The following PLCB4 variants were observed in gnomAD, a reference collection of about 807,000 sequenced individuals.
PLCB4 encodes phospholipase C beta 4.
In PLCB4, 77 loss-of-function variants were observed where a neutral mutation model predicts 178.8. The ratio of observed to expected loss-of-function variants is 0.43; its 90% CI spans 0.36 to 0.52. The LOEUF (loss-of-function observed/expected upper bound fraction) is 0.52, where lower values mean the gene tolerates loss of function less well. Ranked by LOEUF, PLCB4 falls within the 20% of genes least tolerant of loss-of-function variation. The pLI is 0.00. For synonymous variants in PLCB4, 496 were observed against 490.8 expected, an observed-to-expected ratio of 1.01 and a Z score of -0.14; for missense variants, 1,024 against 1,453.4, an observed-to-expected ratio of 0.70 and a Z score of 4.80.
intron 2 of PLCB4, among the ~76,000 whole-genome samples, chr20:9,202,566 C>G (rs1467436899): frequency 6.6e-6 from 1 of 151,972 alleles, no homozygotes; most frequent in Non-Finnish European, 1.5e-5. Flanking sequence ...GCATGATGGA[C>G]TTTGGCTCTG....
rs540101712 is a variant in PLCB4, at chr20:9,165,664, T to C, written c.-78-51726T>C. Among the ~76,000 whole-genome samples, 6 of 152,300 alleles carry C rather than the reference T, an allele frequency of 3.9e-5. 1 individual carries two copies. In the East Asian group the frequency reaches 5.8e-4, roughly 15 times the overall value. ...GAATAGAATTCTACTTACATTAGTG[T>C]GGATTGGCCATCCTAAAACATCCTG... On this transcript the variant is annotated intron_variant, in intron 2 of 39. Transcript: ENST00000378473.
intron 14 of PLCB4, 75 bp downstream of exon 14, chr20:9,384,486 A>G (rs2037408690): frequency 2.0e-6 from 2 of 1,021,596 alleles, no homozygotes; most frequent in South Asian, 1.3e-5. Context: ...TCTGAAAAAC[A>G]GGAAATAGTA....
intron 13 of PLCB4, among the ~76,000 whole-genome samples, chr20:9,383,999 C>T (rs2037367633): frequency 6.6e-6 from 1 of 152,280 alleles, no homozygotes; most frequent in African/African-American, 2.4e-5. Flanking sequence ...CAGAATACCA[C>T]CTGTTTGTGG....
At chr20:9,438,686 A>G (rs557511572) in intron 30 of PLCB4, among the ~76,000 whole-genome samples, 11 of 152,330 alleles carry the variant, frequency 7.2e-5, no homozygotes, top group Non-Finnish European at 1.5e-4. Flanking sequence ...TGAATGGGGA[A>G]AAAAGAGAAA....
chr20:9,184,427 C>T (rs1299820835), intron 2 of PLCB4, among the ~76,000 whole-genome samples: 6 of 152,094 alleles, frequency 3.9e-5, no homozygotes, highest in Non-Finnish European at 7.4e-5. Context: ...ATGGTGGACA[C>T]TGTGTCGTGA....
chr20:9,476,757 G>T lies in PLCB4; in HGVS notation c.3532+4G>T, dbSNP rs765124575. On this transcript the variant is annotated splice_donor_region_variant and intron_variant, in intron 39 of 39. Coordinates refer to ENST00000378473, the MANE Select transcript of PLCB4 (RefSeq NM_001377142.1). ...CATGCAGTGTCCCAAACGCAAGGTA[G>T]GACCGAAACTCTGATAAGCAAGACG... is the stretch of plus-strand genomic sequence containing the variant. 6.2e-7 allele frequency: 1 copy of T among 1,602,816 alleles called. No individual in the cohort carries two copies. The highest frequency in any genetic ancestry group is 2.2e-5 in the East Asian group (1 of 44,816).
intron 3 of PLCB4, among the ~76,000 whole-genome samples, chr20:9,277,385 A>G (rs2094459360): frequency 6.6e-6 from 1 of 152,064 alleles, no homozygotes. Flanking sequence ...TAAAAAGAAC[A>G]GCTTTGTTTC....
chr20:9,086,651 G>T (rs573577691), intron 1 of PLCB4, among the ~76,000 whole-genome samples: 1 of 152,178 alleles, frequency 6.6e-6, no homozygotes, highest in African/African-American at 2.4e-5. Flanking sequence ...CCTTCCATGT[G>T]GTCTTCCCCT....
intron 35 of PLCB4, among the ~76,000 whole-genome samples, 187 bp downstream of exon 35, chr20:9,459,997 G>C (rs1465315520): frequency 6.6e-6 from 1 of 152,152 alleles, no homozygotes; most frequent in Non-Finnish European, 1.5e-5. Flanking sequence ...CCAGGGGCCA[G>C]GTGCAGTGGC....
chr20:9,414,960 G>A (rs2040140814), intron 25 of PLCB4, among the ~76,000 whole-genome samples: 1 of 152,148 alleles, frequency 6.6e-6, no homozygotes, highest in Admixed American at 6.6e-5. Flanking sequence ...CCCAGTGGAT[G>A]CCTGAAACCA....
intron 35 of PLCB4, among the ~76,000 whole-genome samples, chr20:9,461,438 C>CA (rs1386233640): frequency 6.6e-6 from 1 of 152,154 alleles, no homozygotes; most frequent in Non-Finnish European, 1.5e-5. Context: ...AAGTGTGAGC[C>CA]AAAGCAGGGT....
intron 3 of PLCB4, among the ~76,000 whole-genome samples, chr20:9,275,367 G>A (rs1441018222): frequency 6.6e-6 from 1 of 152,014 alleles, no homozygotes; most frequent in African/African-American, 2.4e-5. Flanking sequence ...CACAACATGT[G>A]GGAATTCTGG....
At chr20:9,388,438 G>A (rs2037860922) in intron 15 of PLCB4, among the ~76,000 whole-genome samples, 1 of 152,156 alleles carries the variant, frequency 6.6e-6, no homozygotes, top group Non-Finnish European at 1.5e-5. Context: ...CATAGGTGCT[G>A]CTGGGCGTGG....
At chr20:9,173,925 G>A (rs1350084387) in intron 2 of PLCB4, among the ~76,000 whole-genome samples, 2 of 152,070 alleles carry the variant, frequency 1.3e-5, no homozygotes, top group African/African-American at 4.8e-5. Flanking sequence ...TGAGGAACTG[G>A]CACTGATTTC....
At chr20:9,280,990 ATACTGTT>A (rs2094490553) in intron 3 of PLCB4, among the ~76,000 whole-genome samples, 1 of 152,012 alleles carries the variant, frequency 6.6e-6, no homozygotes, top group East Asian at 1.9e-4. Flanking sequence ...TATGTAATAA[ATACTGTT>A]TTGAAAGTTT....
intron 30 of PLCB4, 136 bp from the exon 31 acceptor site, chr20:9,443,845 T>C: frequency 1.7e-6 from 1 of 581,770 alleles, no homozygotes; most frequent in Non-Finnish European, 3.1e-6. Context: ...AATAGGAACT[T>C]AAGATGTTTA....
At chr20:9,091,945 A>C (rs1318780911) in intron 1 of PLCB4, among the ~76,000 whole-genome samples, 2 of 151,842 alleles carry the variant, frequency 1.3e-5, no homozygotes, top group Non-Finnish European at 2.9e-5. Context: ...TTGCTTCCTG[A>C]GGTCTAGGAG....
chr20:9,246,001 G>A (rs1290735264), intron 3 of PLCB4, among the ~76,000 whole-genome samples: 1 of 152,028 alleles, frequency 6.6e-6, no homozygotes, highest in Admixed American at 6.6e-5. Context: ...ACTGATACAG[G>A]TGTGGATACA....
intron 3 of PLCB4, among the ~76,000 whole-genome samples, chr20:9,263,975 T>A (rs1301218621): frequency 6.6e-6 from 1 of 152,204 alleles, no homozygotes. Context: ...ACTACACCTG[T>A]TTTCACTTCT....
Sources: allele counts gnomAD v4.1 joint callset (sites outside exome capture counted in the v4.1 genomes callset), GRCh38; gene constraint gnomAD v4.1.1; transcripts MANE v1.5; gene names NCBI Gene and HGNC (gene_info 2026-07-23, HGNC 2026-07-21).